The following KCNIP4 variants were observed in gnomAD, a reference collection of about 807,000 sequenced individuals.
The protein encoded by KCNIP4 is Kv channel-interacting protein 4.
KCNIP4 carries 12 observed loss-of-function variants against 34.0 expected under a neutral mutation model. The ratio of observed to expected loss-of-function variants is 0.35; its 90% CI spans 0.23 to 0.57. KCNIP4 has a LOEUF of 0.57. KCNIP4 is among the 20% of genes least tolerant of loss of function. The pLI is 0.83. For missense variants in KCNIP4, 238 were observed against 311.7 expected (o/e 0.76, Z 1.78); for synonymous variants, 124 against 102.2 (o/e 1.21, Z -1.29).
intron 1 of KCNIP4, among the ~76,000 whole-genome samples, chr4:21,344,489 T>TG (rs1717092207): frequency 6.6e-6 from 1 of 151,980 alleles, no homozygotes; most frequent in Non-Finnish European, 1.5e-5. Flanking sequence ...TAAGAAACAG[T>TG]GGGGCAGATA....
At chr4:21,249,420 G>C (rs1760526899) in intron 1 of KCNIP4, among the ~76,000 whole-genome samples, 1 of 152,060 alleles carries the variant, frequency 6.6e-6, no homozygotes, top group African/African-American at 2.4e-5. Flanking sequence ...ATGTATTAAG[G>C]TTCTCTTCCT....
At chr4:21,558,515 T>TAAATAAATAAATAA (rs1560515603) in intron 1 of KCNIP4, among the ~76,000 whole-genome samples, 5 of 72,268 alleles carry the variant, frequency 6.9e-5, no homozygotes, top group East Asian at 9.2e-4. Context: ...TAAATAAATA[T>TAAATAAATAAATAA]ATAAATAAAA....
intron 1 of KCNIP4, among the ~76,000 whole-genome samples, chr4:21,072,375 G>A (rs1022366079): frequency 1.4e-4 from 22 of 152,224 alleles, no homozygotes; most frequent in Non-Finnish European, 2.9e-4. Context: ...GTTTTGATTT[G>A]CATTTCTCTG....
At position 21,501,248 on chromosome 4, in the gene KCNIP4, T is replaced by TCTCACACACA. The variant is rs764571152; in HGVS notation, c.61+447322_61+447323insTGTGTGTGAG. Among the ~76,000 whole-genome samples, 111 of 104,284 alleles carry TCTCACACACA rather than the reference T, an allele frequency of 1.1e-3. 1 individual carries two copies. The highest frequency in any genetic ancestry group is 3.5e-3 in the African/African-American group (107 of 30,698). The allele number at this position is 104,284 out of a possible 152,430, so 68.4% of individuals were successfully genotyped here. On this transcript the variant is annotated intron_variant, in intron 1 of 8. Transcript: ENST00000382152. ...TTCTCTCTCTCTCTCTCTCTCTCTC[T>TCTCACACACA]CACACACACACACACACACACACAC...
At chr4:20,740,449 C>A (rs547687792) in intron 5 of KCNIP4, among the ~76,000 whole-genome samples, 1 of 152,080 alleles carries the variant, frequency 6.6e-6, no homozygotes, top group Admixed American at 6.6e-5. Flanking sequence ...AATTTTCAAC[C>A]CAGAATTTCA....
chr4:20,780,656 C>T (rs1235785482), intron 3 of KCNIP4, among the ~76,000 whole-genome samples: 1 of 152,154 alleles, frequency 6.6e-6, no homozygotes, highest in African/African-American at 2.4e-5. Flanking sequence ...TTTCCAGGAA[C>T]AGTTCTCCAT....
At chr4:21,600,530 A>G (rs1281799382) in intron 1 of KCNIP4, among the ~76,000 whole-genome samples, 2 of 152,134 alleles carry the variant, frequency 1.3e-5, no homozygotes, top group African/African-American at 4.8e-5. Flanking sequence ...AATGTACAAT[A>G]GATTAGCGTA....
intron 1 of KCNIP4, among the ~76,000 whole-genome samples, chr4:21,439,590 A>T (rs1006764292): frequency 1.3e-5 from 2 of 152,200 alleles, no homozygotes; most frequent in Non-Finnish European, 2.9e-5. Context: ...AATGGGAGGT[A>T]AACAGGAGTC....
intron 3 of KCNIP4, among the ~76,000 whole-genome samples, chr4:20,770,559 G>T (rs528504216): frequency 1.3e-5 from 2 of 151,800 alleles, no homozygotes; most frequent in Non-Finnish European, 2.9e-5. Flanking sequence ...AATACAGCAG[G>T]TACTCCATAT....
chr4:20,762,232 G>A (rs1578558034), intron 3 of KCNIP4, among the ~76,000 whole-genome samples: 1 of 152,008 alleles, frequency 6.6e-6, no homozygotes, highest in Non-Finnish European at 1.5e-5. Flanking sequence ...TAGCTCTGTG[G>A]GGTCTTTTAT....
At chr4:20,839,203 C>T (rs984425714) in intron 3 of KCNIP4, among the ~76,000 whole-genome samples, 16 of 151,978 alleles carry the variant, frequency 1.1e-4, no homozygotes, top group South Asian at 2.1e-4. Context: ...ATTACCATTG[C>T]GATAAAACTT....
chr4:20,897,445 C>G (rs1052527866), intron 1 of KCNIP4, among the ~76,000 whole-genome samples: 1 of 152,116 alleles, frequency 6.6e-6, no homozygotes, highest in South Asian at 2.1e-4. Context: ...AAACTACTTC[C>G]TATTCTCTTT....
rs571893470 is a variant in KCNIP4 at position 21,334,970 on chromosome 4, A to G, written c.62-452261T>C. ...AAATCATGCTAGTAGAAACATTTGT[A>G]TACAAGTCTTTTTCTACACCTGTGT... is the stretch of plus-strand genomic sequence containing the variant. On this transcript the variant is annotated intron_variant, in intron 1 of 8. Coordinates refer to ENST00000382152, the MANE Select transcript of KCNIP4 (RefSeq NM_025221.6). Among the ~76,000 whole-genome samples the G allele has an allele frequency of 1.2e-4, 19 of 152,246 alleles. No individual in the cohort carries two copies. The East Asian group carries it at 3.5e-3, about 28-fold the overall frequency.
chr4:21,917,747 A>T (rs2108991343), intron 1 of KCNIP4, among the ~76,000 whole-genome samples: 1 of 152,328 alleles, frequency 6.6e-6, no homozygotes. Context: ...TTACAGTTTT[A>T]TTAACAGTAT....
chr4:21,171,523 A>G (rs1170143261), intron 1 of KCNIP4, among the ~76,000 whole-genome samples: 1 of 152,190 alleles, frequency 6.6e-6, no homozygotes, highest in Non-Finnish European at 1.5e-5. Context: ...TACTAAGTCA[A>G]TATAAGTGCA....
In KCNIP4 at chr4:20,729,243, A is replaced by G. The variant is rs539792491; in HGVS notation, c.*839T>C. On this transcript the variant is annotated 3_prime_UTR_variant, in exon 9 of 9. Coordinates refer to ENST00000382152, the MANE Select transcript of KCNIP4 (RefSeq NM_025221.6). ...AGCATTACTATATACTGGAGGATAG[A>G]TATCCTGACCCTTTGCATATGTCTG... The G allele has an allele frequency of 6.6e-6, 1 of 151,710 alleles. No homozygotes were observed. The highest frequency in any genetic ancestry group is 2.2e-4 in the South Asian group (1 of 4,508). The allele number at this position is 151,710 out of a possible 1,614,324, so 9.4% of individuals were successfully genotyped here. A position where few individuals can be genotyped will look rare whatever the true frequency, so the allele number is the denominator to read the frequency against.
chr4:21,386,020 G>C (rs1189263355), intron 1 of KCNIP4, among the ~76,000 whole-genome samples: 1 of 152,114 alleles, frequency 6.6e-6, no homozygotes, highest in Non-Finnish European at 1.5e-5. Context: ...TATCACACTT[G>C]TCTCTTTCAA....
At chr4:21,582,539 A>G (rs188362667) in intron 1 of KCNIP4, among the ~76,000 whole-genome samples, 1 of 152,116 alleles carries the variant, frequency 6.6e-6, no homozygotes, top group African/African-American at 2.4e-5. Flanking sequence ...CTATCTTCAG[A>G]AAAAGTGAAT....
chr4:20,812,632 T>C (rs1045285061), intron 3 of KCNIP4, among the ~76,000 whole-genome samples: 2 of 152,180 alleles, frequency 1.3e-5, no homozygotes, highest in Non-Finnish European at 2.9e-5. Context: ...TTCTCTTCTA[T>C]TGGAGTTCGG....
Sources: gnomAD v4.1 joint callset for allele counts (sites outside exome capture counted in the v4.1 genomes callset) on GRCh38, gnomAD v4.1.1 for gene constraint, MANE v1.5 for transcripts, NCBI Gene and HGNC (gene_info 2026-07-23, HGNC 2026-07-21) for gene names.